BBS9: variants seen among roughly 807,000 people sequenced by gnomAD.
BBS9 encodes the protein protein PTHB1.
BBS9 carries 89 observed loss-of-function variants against 117.7 expected under a neutral mutation model. The ratio of observed to expected loss-of-function variants is 0.76; its 90% CI spans 0.64 to 0.90. BBS9 has a LOEUF of 0.90. Among genes scored for constraint, BBS9 ranks in the 40% least tolerant of loss-of-function variants. The pLI is 0.00. For missense variants in BBS9, 982 were observed against 1,042.2 expected, an observed-to-expected ratio of 0.94 and a Z score of 0.80; for synonymous variants, 379 against 370.9, an observed-to-expected ratio of 1.02 and a Z score of -0.25.
intron 2 of BBS9, among the ~76,000 whole-genome samples, chr7:33,147,669 C>T (rs1430851736): frequency 6.6e-6 from 1 of 152,178 alleles, no homozygotes; most frequent in East Asian, 1.9e-4. Flanking sequence ...CAATTTCAAA[C>T]CCACTTCTGC....
chr7:33,560,785 A>G (rs542136253), intron 21 of BBS9, among the ~76,000 whole-genome samples: 1 of 152,190 alleles, frequency 6.6e-6, no homozygotes, highest in East Asian at 1.9e-4. Context: ...AGCCCTCTCA[A>G]TTATGTGTTC....
At chr7:33,609,347 T>A (rs1244926577), downstream of BBS9, among the ~76,000 whole-genome samples, 1 of 152,188 alleles carries the variant, frequency 6.6e-6, no homozygotes, top group Non-Finnish European at 1.5e-5. Context: ...TCATGCGATT[T>A]ACTCTTCTTC....
intron 19 of BBS9, among the ~76,000 whole-genome samples, chr7:33,402,895 A>G (rs1829161241): frequency 1.3e-5 from 2 of 151,780 alleles, no homozygotes; most frequent in South Asian, 2.1e-4. Context: ...TCCTAACTTT[A>G]TGTCCATATG....
chr7:33,585,261 G>T (rs1419267676), intron 21 of BBS9, among the ~76,000 whole-genome samples: 1 of 152,082 alleles, frequency 6.6e-6, no homozygotes, highest in Non-Finnish European at 1.5e-5. Flanking sequence ...AAACTTCAGT[G>T]ATTTTCCCAA....
intron 17 of BBS9, among the ~76,000 whole-genome samples, chr7:33,378,679 C>G (rs1025535363): frequency 6.6e-6 from 1 of 152,216 alleles, no homozygotes; most frequent in African/African-American, 2.4e-5. Flanking sequence ...GCAGCTGAGG[C>G]AGACACTTGA....
Position 33,212,786 on chromosome 7 carries a change from G to A in BBS9, c.442+35195G>A, listed in dbSNP as rs186971442. 9.9e-4 allele frequency among the ~76,000 whole-genome samples: 151 copies of A among 152,272 alleles called. 1 individual carries two copies. Among genetic ancestry groups the A allele is most frequent in the African/African-American group, 3.4e-3 (142 of 41,564 alleles). On this transcript the variant is annotated intron_variant, in intron 5 of 22. Coordinates refer to ENST00000242067, the MANE Select transcript of BBS9 (RefSeq NM_198428.3). Reference sequence around the variant, plus strand: ...TAGAGGTACGGCCTTGGTAGCCTTCGATAATATCTGGAGGAATTCTCTGGA... The same window carrying A: ...TAGAGGTACGGCCTTGGTAGCCTTCAATAATATCTGGAGGAATTCTCTGGA...
chr7:33,519,532 G>A (rs890688143), intron 20 of BBS9, among the ~76,000 whole-genome samples: 3 of 152,100 alleles, frequency 2.0e-5, no homozygotes, highest in Non-Finnish European at 4.4e-5. Context: ...AAGCTTTGGT[G>A]GACTCTTGTA....
intron 9 of BBS9, among the ~76,000 whole-genome samples, chr7:33,280,854 G>A (rs2128368026): frequency 7.5e-6 from 1 of 132,856 alleles, no homozygotes; most frequent in Admixed American, 7.6e-5. Context: ...AATATTTTTA[G>A]TTCCAAAGTG....
chr7:33,272,903 T>C lies in BBS9; in HGVS notation c.703-109T>C. On this transcript the variant is annotated intron_variant, in intron 7 of 22. Transcript: ENST00000242067. Reference sequence around the variant, plus strand: ...AAGAAATGAAAGAGATTAGCCCATCTTTATATTTCTGCTTTGTTGTAAAGC... The same window carrying C: ...AAGAAATGAAAGAGATTAGCCCATCCTTATATTTCTGCTTTGTTGTAAAGC... The C allele has an allele frequency of 2.8e-6, 3 of 1,082,978 alleles. 1 individual carries two copies. In the South Asian group the frequency reaches 3.8e-5, roughly 14 times the overall value. 67.1% of individuals were successfully genotyped at this position (1,082,978 alleles called of 1,614,324 possible).
chr7:33,210,099 T>G (rs1374925957), intron 5 of BBS9, among the ~76,000 whole-genome samples: 2 of 152,206 alleles, frequency 1.3e-5, no homozygotes, highest in African/African-American at 4.8e-5. Flanking sequence ...GTTTCCATTT[T>G]CATTTGTTTC....
chr7:33,147,290 A>C (rs181581771), intron 2 of BBS9, among the ~76,000 whole-genome samples: 2 of 152,134 alleles, frequency 1.3e-5, no homozygotes, highest in East Asian at 3.9e-4. Flanking sequence ...TACCCTCTTA[A>C]AAAGAAAACT....
intron 21 of BBS9, among the ~76,000 whole-genome samples, chr7:33,544,797 G>C (rs994772036): frequency 2.6e-5 from 4 of 152,184 alleles, no homozygotes; most frequent in Non-Finnish European, 5.9e-5. Context: ...AGGGTGGATA[G>C]GGAGAGACCA....
At chr7:33,527,625 C>A (rs979973864) in intron 20 of BBS9, among the ~76,000 whole-genome samples, 5 of 152,206 alleles carry the variant, frequency 3.3e-5, no homozygotes, top group Non-Finnish European at 5.9e-5. Flanking sequence ...GTGCGCACAC[C>A]CACTGACCTG....
chr7:33,608,510 A>C (rs1265111870), downstream of BBS9, among the ~76,000 whole-genome samples: 3 of 152,104 alleles, frequency 2.0e-5, no homozygotes, highest in East Asian at 5.8e-4. Context: ...AAAGTGTACA[A>C]GCATTTCCTT....
In BBS9 at chr7:33,156,655, C is replaced by T. The variant is rs552277794; in HGVS notation, c.328+953C>T. On this transcript the variant is annotated intron_variant, in intron 4 of 22. Coordinates refer to ENST00000242067, the MANE Select transcript of BBS9 (RefSeq NM_198428.3). ...CCTGGCGTGGTATATGGTAGACATCCAGTAAATACTTGTTGAATGAATGAA... is the reference window on the plus strand; with the variant it reads ...CCTGGCGTGGTATATGGTAGACATCTAGTAAATACTTGTTGAATGAATGAA... Among the ~76,000 whole-genome samples the T allele has an allele frequency of 1.8e-4, 28 of 152,288 alleles. No individual in the cohort carries two copies. In the South Asian group the frequency reaches 3.7e-3, roughly 20 times the overall value.
chr7:33,347,029 G>C (rs1270379917), intron 12 of BBS9, among the ~76,000 whole-genome samples: 4 of 152,138 alleles, frequency 2.6e-5, no homozygotes, highest in Non-Finnish European at 4.4e-5. Context: ...GTTGGTTAAA[G>C]GCATGGGCTC....
At chr7:33,431,479 G>A (rs2128878201) in intron 19 of BBS9, among the ~76,000 whole-genome samples, 2 of 152,250 alleles carry the variant, frequency 1.3e-5, no homozygotes, top group Admixed American at 1.3e-4. Context: ...GTATTAGAAG[G>A]TGGAGCCTTA....
chr7:33,623,985 TAAA>T (rs57482020), intron 21 of BBS9, among the ~76,000 whole-genome samples: 1 of 82,960 alleles, frequency 1.2e-5, no homozygotes, highest in Non-Finnish European at 3.7e-5. Context: ...ATTCTATTAT[TAAA>T]AAAAAAAAAA....
At chr7:33,602,526 C>T (rs1258327399) in intron 21 of BBS9, among the ~76,000 whole-genome samples, 6 of 152,022 alleles carry the variant, frequency 3.9e-5, no homozygotes, top group East Asian at 3.9e-4. Context: ...GTTGGAAGTT[C>T]GAGACCAGCC....
Sources: allele counts gnomAD v4.1 joint callset (sites outside exome capture counted in the v4.1 genomes callset), GRCh38; gene constraint gnomAD v4.1.1; transcripts MANE v1.5; gene names NCBI Gene and HGNC (gene_info 2026-07-23, HGNC 2026-07-21).